Variants in RGS3 observed in about 807,000 individuals in gnomAD.
RGS3 encodes the protein regulator of G-protein signalling 3.
A neutral mutation model predicts 132.6 loss-of-function variants in RGS3; 80 were observed. The observed-to-expected ratio is 0.60, with a 90% CI of 0.50 to 0.73. The LOEUF is 0.73. Ranked by LOEUF, RGS3 falls within the 30% of genes least tolerant of loss-of-function variation. The probability of loss-of-function intolerance (pLI) is 0.00; values close to 1 mark genes in which losing one functional copy is unlikely to be tolerated. For synonymous variants in RGS3, 598 were observed against 620.6 expected (o/e 0.96, Z 0.54); for missense variants, 1,382 against 1,530.8 (o/e 0.90, Z 1.62).
chr9:113,595,034 C>T, intron 23 of RGS3, 54 bp downstream of exon 21: 5 of 1,539,482 alleles, frequency 3.2e-6, no homozygotes, highest in Admixed American at 3.4e-5. Flanking sequence ...CTCCCCTTCG[C>T]CCCCATCCAG....
chr9:113,560,405 A>G (rs953498587), intron 19 of RGS3, among the ~76,000 whole-genome samples: 4 of 152,192 alleles, frequency 2.6e-5, no homozygotes, highest in African/African-American at 9.6e-5. Context: ...AGGAAGAGCA[A>G]GACCTACACC....
chr9:113,476,476 G>T (rs1829998010), intron 3 of RGS3, among the ~76,000 whole-genome samples: 1 of 152,164 alleles, frequency 6.6e-6, no homozygotes, highest in Admixed American at 6.5e-5. Flanking sequence ...TTGTGAACTG[G>T]GGCAGGTGTG....
chr9:113,553,765 C>G (rs1833456882), intron 19 of RGS3, among the ~76,000 whole-genome samples: 1 of 151,950 alleles, frequency 6.6e-6, no homozygotes, highest in South Asian at 2.1e-4. Context: ...ATCACTTGAA[C>G]CCTGGAGACG....
chr9:113,550,661 C>T (rs1833303018), intron 19 of RGS3, among the ~76,000 whole-genome samples: 1 of 152,174 alleles, frequency 6.6e-6, no homozygotes, highest in Non-Finnish European at 1.5e-5. Flanking sequence ...GTTTATTCCT[C>T]CTCATCATTA....
At chr9:113,505,362 T>G (rs1588171033) in intron 10 of RGS3, 80 bp from the exon 9 acceptor site, 11 of 1,250,412 alleles carry the variant, frequency 8.8e-6, no homozygotes, top group Admixed American at 1.8e-5. Context: ...TTGGCAGGGG[T>G]GGGCTGTGGG....
In RGS3 at chr9:113,517,415, C is replaced by T. The variant is rs117719706; in HGVS notation, c.1675-126C>T. The T allele has an allele frequency of 5.0e-4, 383 of 759,414 alleles. 6 individuals are homozygous for T. The East Asian group carries it at 7.5e-3, about 15-fold the overall frequency. 47.0% of individuals were successfully genotyped at this position (759,414 alleles called of 1,614,324 possible). ...GGTGTGTGGGTTCTCGGGTCGGTGG[C>T]GGGCTGACAGTCTTCTCTGGGTCAG... is the stretch of plus-strand genomic sequence containing the variant. On this transcript the variant is annotated intron_variant, in intron 15 of 24. Coordinates refer to ENST00000350696, the Ensembl canonical transcript of RGS3.
Position 113,591,281 on chromosome 9 carries a change from G to C in RGS3, c.3016-52G>C. ...GGGTCTCTGAGCCTCTGTTTACTTA[G>C]GCAGGAGTTCCTGGGTGCCCAGACT... On this transcript the variant is annotated intron_variant, in intron 20 of 24. Transcript: ENST00000350696. The surrounding 1 kb of genome is among the most constrained non-coding windows in gnomAD (Gnocchi z 4.4). 6.5e-7 allele frequency: 1 copy of C among 1,535,482 alleles called. No individual in the cohort carries two copies. Among genetic ancestry groups the C allele is most frequent in the African/African-American group, 1.4e-5 (1 of 73,386 alleles).
At chr9:113,512,540 TG>T (rs1201123702) in intron 14 of RGS3, among the ~76,000 whole-genome samples, 1 of 151,262 alleles carries the variant, frequency 6.6e-6, no homozygotes, top group Admixed American at 6.6e-5. Flanking sequence ...GAGAAGGGGC[TG>T]GGGGTGGGAG....
At chr9:113,492,415 A>C (rs556719325) in intron 7 of RGS3, among the ~76,000 whole-genome samples, 1 of 152,172 alleles carries the variant, frequency 6.6e-6, no homozygotes. Flanking sequence ...TCATCTGTCA[A>C]TCGCACCCTG....
At chr9:113,589,894 AC>A (rs1355973880) in intron 20 of RGS3, 2 of 152,180 alleles carry the variant, frequency 1.3e-5, no homozygotes, top group Non-Finnish European at 2.9e-5. Context: ...TAGGAAACTT[AC>A]CCAAAGTTGG....
chr9:113,584,430 G>A lies in RGS3; in HGVS notation c.3015+3G>A. On this transcript the variant is annotated splice_donor_region_variant and intron_variant, in intron 20 of 24. Transcript: ENST00000350696. ...TCTTCTTCACAGGACACAGGAAGGT[G>A]AGAAAGCTAAAGGGGGAGGGAGAAG... 1 of 1,506,578 alleles carries A rather than the reference G, an allele frequency of 6.6e-7. No homozygotes were observed. Among genetic ancestry groups the A allele is most frequent in the East Asian group, 2.3e-5 (1 of 44,050 alleles). 93.3% of individuals were successfully genotyped at this position (1,506,578 alleles called of 1,614,324 possible).
intron 19 of RGS3, among the ~76,000 whole-genome samples, chr9:113,567,128 A>G (rs944346): frequency 0.12 from 18,196 of 152,186 alleles, 1,312 homozygotes; most frequent in African/African-American, 0.19. Flanking sequence ...TGTTGATGGG[A>G]CTTCTGATTA....
intron 9 of RGS3, 139 bp from the exon 8 acceptor site, chr9:113,497,886 G>A: frequency 1.3e-6 from 1 of 749,464 alleles, no homozygotes; most frequent in Non-Finnish European, 2.3e-6. Context: ...TGAGCCTCAG[G>A]TGTCCCCACA....
At chr9:113,557,389 G>A (rs1361439004) in intron 19 of RGS3, among the ~76,000 whole-genome samples, 2 of 152,230 alleles carry the variant, frequency 1.3e-5, no homozygotes, top group East Asian at 3.8e-4. Flanking sequence ...AATAGTCCCT[G>A]GGCCTGATCC....
At chr9:113,584,170 G>C in exon 20 of RGS3, 1 of 1,614,252 alleles carries the variant, frequency 6.2e-7, no homozygotes. Flanking sequence ...CAGCATGATC[G>C]AGACGGGCCA....
upstream of RGS3, among the ~76,000 whole-genome samples, chr9:113,456,142 T>C (rs1256770931): frequency 1.3e-5 from 2 of 152,328 alleles, no homozygotes; most frequent in Non-Finnish European, 1.5e-5. Flanking sequence ...AGGCCTTTCT[T>C]CCTCTGCCTG....
At chr9:113,519,153 G>A (rs1367392214) in intron 16 of RGS3, among the ~76,000 whole-genome samples, 2 of 152,130 alleles carry the variant, frequency 1.3e-5, no homozygotes, top group Non-Finnish European at 2.9e-5. Flanking sequence ...AGGCAACTGA[G>A]GCTCCAGTGA....
rs763507506 is a variant in RGS3 at position 113,507,271 on chromosome 9, A to T, written c.1086-16A>T. 2 of 1,588,244 alleles carry T rather than the reference A, an allele frequency of 1.3e-6. No homozygotes were observed. Among genetic ancestry groups the T allele is most frequent in the Non-Finnish European group, 1.7e-6 (2 of 1,165,602 alleles). ...TCCCCAGGCTCAACCTGTCTGTGTG[A>T]TCCCCCACCTTCCAGGAGCTGCCCC... On this transcript the variant is annotated splice_polypyrimidine_tract_variant and intron_variant, in intron 12 of 24. Coordinates refer to ENST00000350696, the Ensembl canonical transcript of RGS3. This position sits in a 1 kb window ranked among gnomAD's most constrained non-coding sequence, Gnocchi z 5.0.
At chr9:113,473,292 A>T in intron 3 of RGS3, among the ~76,000 whole-genome samples, 1 of 152,266 alleles carries the variant, frequency 6.6e-6, no homozygotes, top group Non-Finnish European at 1.5e-5. Context: ...CATGATAGGT[A>T]TAGAGAGGCT....
Sources: allele counts gnomAD v4.1 joint callset (sites outside exome capture counted in the v4.1 genomes callset), GRCh38; gene constraint gnomAD v4.1.1; non-coding constraint Gnocchi (gnomAD v3.1); transcripts MANE v1.5; gene names NCBI Gene and HGNC (gene_info 2026-07-23, HGNC 2026-07-21).